The following HDAC9 variants were observed in gnomAD, a reference collection of about 807,000 sequenced individuals.
The protein encoded by HDAC9 is histone deacetylase 9.
In HDAC9, 41 loss-of-function variants were observed where a neutral mutation model predicts 139.4. That is an observed-to-expected ratio of 0.29 (90% confidence interval 0.23 to 0.38). The LOEUF (loss-of-function observed/expected upper bound fraction) is 0.38. HDAC9 is among the 10% of genes least tolerant of loss of function. HDAC9 has a pLI of 1.00. For missense variants in HDAC9, 1,147 were observed against 1,297.0 expected (o/e 0.88, Z 1.78); for synonymous variants, 517 against 476.2 (o/e 1.09, Z -1.12).
At chr7:18,267,675 A>G (rs1202982222) in intron 2 of HDAC9, among the ~76,000 whole-genome samples, 2 of 151,990 alleles carry the variant, frequency 1.3e-5, no homozygotes, top group Non-Finnish European at 2.9e-5. Context: ...TATACATCAC[A>G]TTTTCTTTAT....
rs1784472739 is a variant in HDAC9, at chr7:18,713,268, G to A, written c.1732-14312G>A. On this transcript the variant is annotated intron_variant, in intron 12 of 25. Transcript: ENST00000686413. ...AATCTGCATACCTTTGGTTGCTATA[G>A]GCCAAATTATTAAACAGTGTTGTTA... Among the ~76,000 whole-genome samples, 3 of 152,096 alleles carry A rather than the reference G, an allele frequency of 2.0e-5. No homozygotes were observed. The South Asian group carries it at 6.2e-4, about 32-fold the overall frequency.
intron 2 of HDAC9, among the ~76,000 whole-genome samples, chr7:18,250,861 C>G (rs568404590): frequency 6.6e-6 from 1 of 152,166 alleles, no homozygotes; most frequent in South Asian, 2.1e-4. Flanking sequence ...ATTTGCATTT[C>G]TCTAATGATT....
chr7:18,519,457 C>CTA (rs1334737282), intron 2 of HDAC9, among the ~76,000 whole-genome samples: 1 of 152,016 alleles, frequency 6.6e-6, no homozygotes, highest in African/African-American at 2.4e-5. Context: ...TAATCAAAGG[C>CTA]TATGAATAAG....
chr7:18,269,838 G>A (rs146545825), intron 2 of HDAC9, among the ~76,000 whole-genome samples: 19 of 152,212 alleles, frequency 1.2e-4, no homozygotes, highest in Non-Finnish European at 2.2e-4. Flanking sequence ...ATATGTAGTT[G>A]CATGGTGATT....
rs537033538 is a variant in HDAC9 at position 18,221,106 on chromosome 7, C to CTTTTTTT, written c.25+58764_25+58770dup. 6.3e-4 allele frequency among the ~76,000 whole-genome samples: 88 copies of CTTTTTTT among 139,672 alleles called. 1 individual carries two copies. Among genetic ancestry groups the CTTTTTTT allele is most frequent in the African/African-American group, 2.3e-3 (85 of 36,440 alleles). The allele number at this position is 139,672 out of a possible 152,430, so 91.6% of individuals were successfully genotyped here. A position where few individuals can be genotyped will look rare whatever the true frequency, so the allele number is the denominator to read the frequency against. On this transcript the variant is annotated intron_variant, in intron 2 of 12. Transcript: ENST00000417496. ...TCTATAATATTTTGCATTTCTATTCCTTTTTTTTTTTTTGTGACGGAGTTT... is the reference window on the plus strand; with the variant it reads ...TCTATAATATTTTGCATTTCTATTCCTTTTTTTTTTTTTTTTTTTTGTGACGGAGTTT...
intron 1 of HDAC9, among the ~76,000 whole-genome samples, chr7:18,130,043 G>A (rs1297554595): frequency 6.6e-6 from 1 of 152,100 alleles, no homozygotes; most frequent in Non-Finnish European, 1.5e-5. Flanking sequence ...GATGAAGAGT[G>A]GATCAGACAT....
intron 21 of HDAC9, among the ~76,000 whole-genome samples, chr7:18,844,020 CAT>C (rs1333055575): frequency 2.6e-5 from 4 of 152,258 alleles, no homozygotes; most frequent in South Asian, 4.1e-4. Flanking sequence ...TGACATCAAA[CAT>C]GTGGATGATA....
rs1210721255 is a variant in HDAC9, at chr7:18,859,846, A to G, written c.2685-14632A>G. Among the ~76,000 whole-genome samples the G allele has an allele frequency of 1.7e-3, 203 of 121,706 alleles. 1 individual carries two copies. The highest frequency in any genetic ancestry group is 3.9e-3 in the African/African-American group (121 of 31,038). The allele number at this position is 121,706 out of a possible 152,430, so 79.8% of individuals were successfully genotyped here. A position where few individuals can be genotyped will look rare whatever the true frequency, so the allele number is the denominator to read the frequency against. ...TATATATATATATATATATATATAT[A>G]TATATATATATATGTGAGAGAATGA... On this transcript the variant is annotated intron_variant, in intron 21 of 25. Transcript: ENST00000686413.
intron 1 of HDAC9, among the ~76,000 whole-genome samples, chr7:18,405,273 C>T (rs188476755): frequency 6.8e-4 from 104 of 152,326 alleles, no homozygotes; most frequent in Non-Finnish European, 1.2e-3. Flanking sequence ...CTGCTTCAGA[C>T]TAGTTTTACA....
chr7:18,719,413 C>T (rs1296575622), intron 12 of HDAC9, among the ~76,000 whole-genome samples: 1 of 135,270 alleles, frequency 7.4e-6, no homozygotes, highest in African/African-American at 2.8e-5. Context: ...GATCTCGGCT[C>T]ACTGCAACCT....
intron 1 of HDAC9, among the ~76,000 whole-genome samples, chr7:18,365,526 T>G (rs1354642667): frequency 1.3e-5 from 2 of 152,102 alleles, no homozygotes; most frequent in African/African-American, 4.8e-5. Context: ...TTTTGCAGTA[T>G]TTTGTCTTCT....
intron 16 of HDAC9, among the ~76,000 whole-genome samples, chr7:18,771,967 A>T (rs1021341254): frequency 1.3e-4 from 20 of 152,172 alleles, no homozygotes; most frequent in African/African-American, 4.8e-4. Context: ...CTTGTTGTTG[A>T]TGACTAGACA....
intron 21 of HDAC9, among the ~76,000 whole-genome samples, chr7:18,844,575 T>A (rs560229016): frequency 1.3e-4 from 20 of 152,312 alleles, no homozygotes; most frequent in African/African-American, 4.8e-4. Context: ...GGATGTATAT[T>A]TTTAGCTGGT....
At chr7:18,153,709 G>T (rs1786957949) in intron 1 of HDAC9, among the ~76,000 whole-genome samples, 1 of 152,190 alleles carries the variant, frequency 6.6e-6, no homozygotes, top group South Asian at 2.1e-4. Flanking sequence ...CCTGCCTCTA[G>T]AACCTATTCT....
chr7:18,153,435 G>C (rs1786933507), intron 1 of HDAC9, among the ~76,000 whole-genome samples: 1 of 152,154 alleles, frequency 6.6e-6, no homozygotes, highest in Non-Finnish European at 1.5e-5. Context: ...CGACCAGTCT[G>C]ATTGGTTGCA....
rs16872149 is a variant in HDAC9, at chr7:18,924,433, C to A, written c.2804-11376C>A. Among the ~76,000 whole-genome samples the A allele has an allele frequency of 2.4e-4, 37 of 152,126 alleles. No homozygotes were observed. In the East Asian group the frequency reaches 5.6e-3, roughly 23 times the overall value. On this transcript the variant is annotated intron_variant, in intron 22 of 25. Coordinates refer to ENST00000686413, the MANE Select transcript of HDAC9 (RefSeq NM_178425.4). Reference sequence around the variant, plus strand: ...AATTCGGAGGGTTCCTGAACCTCGACTTATGGCAGGAAAAATAAGAAGTCA... The same window carrying A: ...AATTCGGAGGGTTCCTGAACCTCGAATTATGGCAGGAAAAATAAGAAGTCA...
At chr7:18,900,199 C>T (rs933926489) in intron 22 of HDAC9, among the ~76,000 whole-genome samples, 2 of 152,250 alleles carry the variant, frequency 1.3e-5, no homozygotes, top group African/African-American at 2.4e-5. Flanking sequence ...TCTATACATG[C>T]GCACACAGGT....
chr7:18,819,317 C>CA (rs555039058), intron 17 of HDAC9, among the ~76,000 whole-genome samples: 5 of 152,068 alleles, frequency 3.3e-5, no homozygotes, highest in Non-Finnish European at 5.9e-5. Context: ...TAAAAACCAA[C>CA]AAAAAATAAA....
chr7:18,384,644 A>G (rs933886435), intron 1 of HDAC9, among the ~76,000 whole-genome samples: 2 of 152,190 alleles, frequency 1.3e-5, no homozygotes, highest in Non-Finnish European at 2.9e-5. Flanking sequence ...TAAATACTCC[A>G]AAATCACTGA....
Sources: allele counts gnomAD v4.1 joint callset (sites outside exome capture counted in the v4.1 genomes callset), GRCh38; gene constraint gnomAD v4.1.1; transcripts MANE v1.5; gene names NCBI Gene and HGNC (gene_info 2026-07-23, HGNC 2026-07-21).